The following NDUFV3 variants were observed in gnomAD, a reference collection of about 807,000 sequenced individuals.
NDUFV3 encodes NADH dehydrogenase [ubiquinone] flavoprotein 3, mitochondrial.
Under a neutral mutation model 37.5 loss-of-function variants are expected in NDUFV3, and 44 were observed. The observed-to-expected ratio is 1.17, with a 90% CI of 0.92 to 1.51. NDUFV3 has a LOEUF of 1.51. Ranked by LOEUF, NDUFV3 falls within the 40% of genes most tolerant of loss-of-function variation. The pLI is 0.00. For missense variants in NDUFV3, 580 were observed against 580.4 expected, an observed-to-expected ratio of 1.00 and a Z score of 0.01; for synonymous variants, 235 against 239.3, an observed-to-expected ratio of 0.98 and a Z score of 0.17.
rs1181043980 is a variant in NDUFV3, at chr21:42,903,801, A to G, written c.789A>G (p.Leu263=). The G allele has an allele frequency of 1.9e-6, 3 of 1,614,064 alleles. No individual in the cohort carries two copies. Among genetic ancestry groups the G allele is most frequent in the African/African-American group, 2.7e-5 (2 of 74,942 alleles). ...ATGAAGAGTTTTTGAAGCAAAGTTT[A>G]AAGGAAAAACAATTGCAGAAAACAT... The part of the protein sequence containing the change: ...QVDEEFLKQS[L]KEKQLQKTFR... The change falls in exon 3 of 4, where the codon TTA becomes TTG. Residue 263 remains leucine (L), a synonymous_variant. Coordinates refer to ENST00000354250, the MANE Select transcript of NDUFV3 (RefSeq NM_021075.4).
rs1006359908 is a variant in NDUFV3 at position 42,893,371 on chromosome 21, G to A, written c.38G>A (p.Gly13Glu). The part of the protein sequence containing the change: ...APCLLRQGRA[G>E]ALKTMLQEAQ... The stretch of plus-strand genomic sequence containing the variant: ...TGTTTGCTGCGGCAAGGACGAGCCG[G>A]GGCGCTGAAGGTAAAGGAGGAGCCA... Residue 13 changes from glycine to glutamate, a missense_variant, in exon 1 of 4, where the codon GGG (glycine) becomes GAG (glutamate). Coordinates refer to ENST00000354250, the MANE Select transcript of NDUFV3 (RefSeq NM_021075.4). The A allele has an allele frequency of 1.9e-5, 29 of 1,537,722 alleles. No homozygotes were observed. In the African/African-American group the frequency reaches 3.8e-4, roughly 20 times the overall value.
In NDUFV3 at chr21:42,896,918, T is replaced by G; in HGVS notation, c.49-9T>G. On this transcript the variant is annotated splice_polypyrimidine_tract_variant and intron_variant, in intron 1 of 3. Transcript: ENST00000354250. ...TCTAAACATCCATATTCATTAATTC[T>G]TTTGTCAGACTATGCTCCAGGAAGC... The G allele has an allele frequency of 3.7e-6, 6 of 1,610,696 alleles. No homozygotes were observed. The highest frequency in any genetic ancestry group is 5.1e-6 in the Non-Finnish European group (6 of 1,177,054).
intron 3 of NDUFV3, chr21:42,907,042 T>C (rs1449625878): frequency 5.3e-6 from 2 of 376,034 alleles, no homozygotes; most frequent in African/African-American, 2.1e-5. Flanking sequence ...CCTAATGACC[T>C]GATTTACAGA....
intron 1 of NDUFV3, among the ~76,000 whole-genome samples, chr21:42,896,377 C>G (rs1294567213): frequency 6.6e-6 from 1 of 151,722 alleles, no homozygotes; most frequent in South Asian, 2.1e-4. Flanking sequence ...AGGATAGTCT[C>G]GATCTCCTGA....
At chr21:42,907,779 C>G (rs1162659074) in intron 3 of NDUFV3, among the ~76,000 whole-genome samples, 1 of 151,586 alleles carries the variant, frequency 6.6e-6, no homozygotes, top group Non-Finnish European at 1.5e-5. Flanking sequence ...TTTGTAGAGA[C>G]AGAGTCTCAC....
chr21:42,911,174 C>CA lies in NDUFV3; in HGVS notation c.*2153_*2154insA, dbSNP rs1228827706. On this transcript the variant is annotated 3_prime_UTR_variant, in exon 4 of 4. Transcript: ENST00000354250. ...AGGAGAATCGCTTGAACCCGGGAGG[C>CA]GGGGTTTGCAGTAAGCCGAGATCAT... 1.3e-5 allele frequency: 2 copies of CA among 152,060 alleles called. No individual in the cohort carries two copies. The highest frequency in any genetic ancestry group is 4.8e-5 in the African/African-American group (2 of 41,392). The allele number at this position is 152,060 out of a possible 1,614,324, so 9.4% of individuals were successfully genotyped here.
intron 1 of NDUFV3, among the ~76,000 whole-genome samples, chr21:42,896,613 C>T (rs753544926): frequency 1.3e-5 from 2 of 151,982 alleles, no homozygotes; most frequent in Non-Finnish European, 2.9e-5. Flanking sequence ...GCTTCAGGAT[C>T]GCTTGAGGCC....
chr21:42,908,072 C>T (rs1409397861), intron 3 of NDUFV3, among the ~76,000 whole-genome samples: 1 of 151,294 alleles, frequency 6.6e-6, no homozygotes, highest in Non-Finnish European at 1.5e-5. Flanking sequence ...TTTGGGAGGT[C>T]GAGGCGGGCA....
rs139438448 is a variant in NDUFV3, at chr21:42,908,889, G to A, written c.1290G>A (p.Pro430=). The A allele has an allele frequency of 8.8e-5, 142 of 1,613,964 alleles. No individual in the cohort carries two copies. The highest frequency in any genetic ancestry group is 2.2e-4 in the East Asian group (10 of 44,896). ...AGCCAGCCCCAGTGCCTGCTGAGCCGTTTGACAACACTACCTACAAGAACC... is the reference window on the plus strand; with the variant it reads ...AGCCAGCCCCAGTGCCTGCTGAGCCATTTGACAACACTACCTACAAGAACC... ...TQEPAPVPAE[P]FDNTTYKNLQ... The change falls in exon 4 of 4, where the codon CCG becomes CCA. Residue 430 remains proline, a synonymous_variant. Transcript: ENST00000354250.
At chr21:42,896,799 A>T in intron 1 of NDUFV3, 128 bp from the exon 2 acceptor site, 2 of 901,194 alleles carry the variant, frequency 2.2e-6, no homozygotes, top group Non-Finnish European at 3.3e-6. Context: ...TGATTGTGCC[A>T]CTGCACTCCA....
chr21:42,908,948 T>C lies in NDUFV3; in HGVS notation c.1349T>C (p.Leu450Ser), dbSNP rs2058754841. 1 of 1,614,052 alleles carries C rather than the reference T, an allele frequency of 6.2e-7. No homozygotes were observed. Among genetic ancestry groups the C allele is most frequent in the East Asian group, 2.2e-5 (1 of 44,880 alleles). The change falls in exon 4 of 4, where the codon TTA becomes TCA. Residue 450 changes from leucine to serine, a missense_variant. Transcript: ENST00000354250. Reference sequence around the variant, plus strand: ...CATGACTACAGCACGTACACCTTCTTAGACCTCAACCTCGAACTCTCAAAA... The same window carrying C: ...CATGACTACAGCACGTACACCTTCTCAGACCTCAACCTCGAACTCTCAAAA... ...QHHDYSTYTF[L>S]DLNLELSKFR...
chr21:42,912,067 C>G lies in NDUFV3; in HGVS notation c.*3046C>G, dbSNP rs896122142. The G allele has an allele frequency of 5.9e-5, 9 of 151,814 alleles. No individual in the cohort carries two copies. The highest frequency in any genetic ancestry group is 3.2e-3 in the Middle Eastern group (1 of 312). 9.4% of individuals were successfully genotyped at this position (151,814 alleles called of 1,614,324 possible). ...ACCAGCCTGACTAACATGGTGAAAC[C>G]CCCTCTCTACTAAAATTACAAAATT... On this transcript the variant is annotated 3_prime_UTR_variant, in exon 4 of 4. Coordinates refer to ENST00000354250, the MANE Select transcript of NDUFV3 (RefSeq NM_021075.4).
In NDUFV3 at chr21:42,911,236, C is replaced by G. The variant is rs1010561497; in HGVS notation, c.*2215C>G. 3.3e-5 allele frequency: 5 copies of G among 151,802 alleles called. No homozygotes were observed. The highest frequency in any genetic ancestry group is 1.2e-4 in the African/African-American group (5 of 41,328). The allele number at this position is 151,802 out of a possible 1,614,324, so 9.4% of individuals were successfully genotyped here. On this transcript the variant is annotated 3_prime_UTR_variant, in exon 4 of 4. Transcript: ENST00000354250. ...CAGTCTGGGTGACAGCGTGAGACTG[C>G]ATCTCAAAAAAAAATTTTTTTTTTT...
chr21:42,900,794 G>A (rs866259015), intron 2 of NDUFV3, among the ~76,000 whole-genome samples: 4 of 152,298 alleles, frequency 2.6e-5, no homozygotes, highest in Non-Finnish European at 5.9e-5. Flanking sequence ...GGCGCGATGG[G>A]ACATGCTGTG....
In NDUFV3 at chr21:42,903,501, A is replaced by G. The variant is rs751158277; in HGVS notation, c.489A>G (p.Glu163=). 1.2e-6 allele frequency: 2 copies of G among 1,614,150 alleles called. No homozygotes were observed. Among genetic ancestry groups the G allele is most frequent in the South Asian group, 1.1e-5 (1 of 91,074 alleles). The part of the protein sequence containing the change: ...SSSSSSSSDS[E]SDDEADVSEV... ...CCTCTTCCAGCTCCTCTGATTCTGA[A>G]TCTGATGATGAGGCTGACGTTTCAG... Residue 163 remains glutamate (E), a synonymous_variant, in exon 3 of 4, where the codon GAA becomes GAG. Transcript: ENST00000354250.
rs965662649 is a variant in NDUFV3, at chr21:42,910,673, G to A, written c.*1652G>A. On this transcript the variant is annotated 3_prime_UTR_variant, in exon 4 of 4. Transcript: ENST00000354250. ...GCGGTGCAGGGACGGAGTAGGAAGAGGTGAAGTTTCGTGCGGTGCAGGGAC... is the reference window on the plus strand; with the variant it reads ...GCGGTGCAGGGACGGAGTAGGAAGAAGTGAAGTTTCGTGCGGTGCAGGGAC... 6.4e-6 allele frequency: 1 copy of A among 155,318 alleles called. No individual in the cohort carries two copies. The allele number at this position is 155,318 out of a possible 1,614,324, so 9.6% of individuals were successfully genotyped here.
intron 2 of NDUFV3, among the ~76,000 whole-genome samples, chr21:42,897,711 C>G (rs2058699348): frequency 6.7e-6 from 1 of 150,034 alleles, no homozygotes; most frequent in South Asian, 2.1e-4. Flanking sequence ...GAGTCCTGCT[C>G]TGTTGCCCCT....
chr21:42,895,505 AGCCAGGT>A (rs1256225608), intron 1 of NDUFV3, among the ~76,000 whole-genome samples: 30 of 152,004 alleles, frequency 2.0e-4, no homozygotes, highest in Non-Finnish European at 4.4e-5. Context: ...CAAAAACATT[AGCCAGGT>A]GCGGTGGTGC....
chr21:42,896,965 T>G lies in NDUFV3; in HGVS notation c.87T>G (p.Ala29=). 1 of 1,614,072 alleles carries G rather than the reference T, an allele frequency of 6.2e-7. No homozygotes were observed. Among genetic ancestry groups the G allele is most frequent in the Non-Finnish European group, 8.5e-7 (1 of 1,179,928 alleles). ...AAGCCCAGGTGTTTCGAGGACTTGC[T>G]TCTACGGTTTCTTTGTCTGCGGAAT... ...LQEAQVFRGL[A]STVSLSAESG... The change falls in exon 2 of 4, where the codon GCT becomes GCG. Residue 29 remains alanine (A), a synonymous_variant. Transcript: ENST00000354250.
Sources: gnomAD v4.1 joint callset for allele counts (sites outside exome capture counted in the v4.1 genomes callset) on GRCh38, gnomAD v4.1.1 for gene constraint, MANE v1.5 for transcripts, NCBI Gene and HGNC (gene_info 2026-07-23, HGNC 2026-07-21) for gene names.